SCML2: variants seen among roughly 807,000 people sequenced by gnomAD.
SCML2 encodes the protein sex comb on midleg-like protein 2.
In SCML2, 6 loss-of-function variants were observed where a neutral mutation model predicts 48.4. That is an observed-to-expected ratio of 0.12 (90% CI 0.07 to 0.24). The LOEUF (loss-of-function observed/expected upper bound fraction) is 0.24. Among genes scored for constraint, SCML2 ranks in the 10% least tolerant of loss-of-function variants. The probability of loss-of-function intolerance (pLI) is 1.00; values close to 1 mark genes in which losing one functional copy is unlikely to be tolerated. For missense variants in SCML2, 377 were observed against 528.2 expected (o/e 0.71, Z 2.81); for synonymous variants, 181 against 189.5 (o/e 0.95, Z 0.37).
intron 1 of SCML2, among the ~76,000 whole-genome samples, chrX:18,340,365 C>T (rs770963325): frequency 2.7e-5 from 3 of 112,485 alleles, no homozygotes; most frequent in African/African-American, 9.7e-5. Context: ...GCTGAGATCA[C>T]ACCACTGCAC....
chrX:18,350,323 A>C (rs1930333366), intron 1 of SCML2, among the ~76,000 whole-genome samples: 1 of 109,214 alleles, frequency 9.2e-6, no homozygotes, highest in Non-Finnish European at 1.9e-5. Context: ...CTGTAATCCC[A>C]GCACTTGGAG....
At chrX:18,270,397 T>G (rs1157133307) in intron 7 of SCML2, among the ~76,000 whole-genome samples, 1 of 110,953 alleles carries the variant, frequency 9.0e-6, no homozygotes, top group Non-Finnish European at 1.9e-5. Context: ...CTCAGTTTTT[T>G]GGGGGTTTTT....
chrX:18,259,081 T>C (rs369577859), intron 9 of SCML2, among the ~76,000 whole-genome samples: 8 of 111,075 alleles, frequency 7.2e-5, no homozygotes, highest in Non-Finnish European at 1.1e-4. Flanking sequence ...CTGGCCAACA[T>C]AGTGAAACCC....
At chrX:18,332,131 C>T (rs1929678114) in intron 2 of SCML2, among the ~76,000 whole-genome samples, 1 of 112,095 alleles carries the variant, frequency 8.9e-6, no homozygotes, top group Non-Finnish European at 1.9e-5. Context: ...TCTTTATTAG[C>T]CAGAAAACTT....
chrX:18,260,294 G>A lies in SCML2; in HGVS notation c.949-3C>T, dbSNP rs768879282. 1.4e-5 allele frequency: 16 copies of A among 1,180,283 alleles called. No individual in the cohort carries two copies. The highest frequency in any genetic ancestry group is 1.8e-5 in the Non-Finnish European group (16 of 879,537). On this transcript the variant is annotated splice_region_variant and splice_polypyrimidine_tract_variant and intron_variant, in intron 8 of 14. Coordinates refer to ENST00000251900, the MANE Select transcript of SCML2 (RefSeq NM_006089.3). ...CATATCACGGGCAAAGGTTTTTCCT[G>A]TTAAAAACAAAGGGAAAAAAACACA...
intron 1 of SCML2, among the ~76,000 whole-genome samples, chrX:18,335,088 G>C (rs750253691): frequency 9.0e-6 from 1 of 111,503 alleles, no homozygotes; most frequent in African/African-American, 3.3e-5. Flanking sequence ...AAACAGACAA[G>C]AAAGTAAAAT....
At chrX:18,348,527 C>CA (rs751383021) in intron 1 of SCML2, among the ~76,000 whole-genome samples, 2 of 111,178 alleles carry the variant, frequency 1.8e-5, no homozygotes, top group Non-Finnish European at 3.8e-5. Flanking sequence ...AATTTCAACA[C>CA]AAAAAAAATC....
intron 13 of SCML2, among the ~76,000 whole-genome samples, chrX:18,245,973 G>A (rs1266170666): frequency 8.9e-6 from 1 of 111,966 alleles, no homozygotes; most frequent in Admixed American, 9.5e-5. Flanking sequence ...TCCCGACTTC[G>A]GGTGATCTGC....
At chrX:18,263,936 C>CAATGTAAGAATGAAA (rs1356631502) in intron 8 of SCML2, among the ~76,000 whole-genome samples, 39 of 107,717 alleles carry the variant, frequency 3.6e-4, no homozygotes, top group South Asian at 8.2e-4. Context: ...TGTACTTTTT[C>CAATGTAAGAATGAAA]ATTCTTACAT....
At chrX:18,265,545 TA>T in intron 8 of SCML2, 39 bp downstream of exon 8, 4 of 1,039,417 alleles carry the variant, frequency 3.8e-6, no homozygotes, top group Non-Finnish European at 5.3e-6. Context: ...TAAGGCACTA[TA>T]AAAACCTATA....
At chrX:18,291,316 C>T (rs1928225648) in intron 7 of SCML2, among the ~76,000 whole-genome samples, 1 of 111,453 alleles carries the variant, frequency 9.0e-6, no homozygotes, top group Admixed American at 9.6e-5. Context: ...CTTAAATAAA[C>T]AAGAGGGAAA....
chrX:18,241,886 T>C (rs1040667792), intron 14 of SCML2, among the ~76,000 whole-genome samples: 1 of 112,233 alleles, frequency 8.9e-6, no homozygotes, highest in Admixed American at 9.5e-5. Context: ...CCTCAGATAA[T>C]AGATCACTCA....
chrX:18,340,739 G>C (rs186161092), intron 1 of SCML2, among the ~76,000 whole-genome samples: 22 of 105,857 alleles, frequency 2.1e-4, no homozygotes, highest in African/African-American at 6.6e-4. Context: ...GAACCCAGGA[G>C]ACAGAGGCTG....
intron 7 of SCML2, among the ~76,000 whole-genome samples, chrX:18,304,408 G>A (rs918645968): frequency 9.0e-6 from 1 of 111,497 alleles, no homozygotes; most frequent in East Asian, 2.8e-4. Flanking sequence ...CTCAGCTTAG[G>A]AAACACCGTT....
chrX:18,342,212 T>C (rs1688141608), intron 1 of SCML2, among the ~76,000 whole-genome samples: 1 of 111,400 alleles, frequency 9.0e-6, no homozygotes, highest in South Asian at 3.7e-4. Context: ...GGGAGAAAAA[T>C]TTTTGGTTTT....
At chrX:18,306,737 C>T (rs1014636105) in intron 6 of SCML2, among the ~76,000 whole-genome samples, 1 of 111,398 alleles carries the variant, frequency 9.0e-6, no homozygotes, top group Non-Finnish European at 1.9e-5. Context: ...CCCATCTCAT[C>T]ACCCTGTATT....
intron 7 of SCML2, among the ~76,000 whole-genome samples, chrX:18,284,692 A>G (rs1169373517): frequency 3.6e-5 from 4 of 112,405 alleles, no homozygotes; most frequent in Non-Finnish European, 7.5e-5. Flanking sequence ...AATCAAAACC[A>G]CAATGACATA....
intron 7 of SCML2, among the ~76,000 whole-genome samples, chrX:18,288,828 C>G (rs1305805110): frequency 8.9e-6 from 1 of 112,037 alleles, no homozygotes; most frequent in East Asian, 2.8e-4. Context: ...AGCAAGTCAA[C>G]AAAGCCCATG....
At chrX:18,242,789 C>G (rs896123521) in intron 13 of SCML2, among the ~76,000 whole-genome samples, 199 bp from the exon 14 acceptor site, 1 of 111,490 alleles carries the variant, frequency 9.0e-6, no homozygotes, top group Non-Finnish European at 1.9e-5. Flanking sequence ...TCTGACCTCC[C>G]CCAAACAACA....
Sources: allele counts gnomAD v4.1 joint callset (sites outside exome capture counted in the v4.1 genomes callset), GRCh38; gene constraint gnomAD v4.1.1; transcripts MANE v1.5; gene names NCBI Gene and HGNC (gene_info 2026-07-23, HGNC 2026-07-21).